DPP6: variants seen among roughly 807,000 people sequenced by gnomAD.
DPP6 encodes A-type potassium channel modulatory protein DPP6.
In DPP6, 69 loss-of-function variants were observed where a neutral mutation model predicts 122.6. The ratio of observed to expected loss-of-function variants is 0.56; its 90% CI spans 0.46 to 0.69. The LOEUF (loss-of-function observed/expected upper bound fraction) is 0.69, where lower values mean the gene tolerates loss of function less well. Ranked by LOEUF, DPP6 falls within the 30% of genes least tolerant of loss-of-function variation. The pLI is 0.00. For synonymous variants in DPP6, 418 were observed against 433.1 expected (o/e 0.97, Z 0.43); for missense variants, 928 against 1,116.9 (o/e 0.83, Z 2.41).
At chr7:154,460,732 T>C (rs1021100392) in intron 2 of DPP6, among the ~76,000 whole-genome samples, 1 of 152,342 alleles carries the variant, frequency 6.6e-6, no homozygotes, top group South Asian at 2.1e-4. Flanking sequence ...ACATAGTAGG[T>C]ATGTATATTT....
At chr7:154,796,574 G>A (rs1019609039) in intron 12 of DPP6, among the ~76,000 whole-genome samples, 2 of 152,164 alleles carry the variant, frequency 1.3e-5, no homozygotes, top group Non-Finnish European at 2.9e-5. Context: ...AAAAGCTTTG[G>A]AAGCTTCCTG....
intron 2 of DPP6, among the ~76,000 whole-genome samples, chr7:154,452,440 C>G (rs1319222894): frequency 6.6e-6 from 1 of 152,230 alleles, no homozygotes; most frequent in Non-Finnish European, 1.5e-5. Flanking sequence ...AACCGTCACA[C>G]TTCGCATATG....
At chr7:154,276,902 C>G (rs1377390555) in intron 1 of DPP6, among the ~76,000 whole-genome samples, 1 of 152,172 alleles carries the variant, frequency 6.6e-6, no homozygotes, top group Non-Finnish European at 1.5e-5. Flanking sequence ...ATAACACATG[C>G]CTGCATGAAG....
intron 10 of DPP6, among the ~76,000 whole-genome samples, chr7:154,778,029 T>G (rs1218116680): frequency 6.6e-6 from 1 of 152,222 alleles, no homozygotes; most frequent in African/African-American, 2.4e-5. Flanking sequence ...TTTTCAACTT[T>G]AGTCCCTACT....
At chr7:154,296,013 C>T (rs1480813577) in intron 1 of DPP6, among the ~76,000 whole-genome samples, 4 of 146,992 alleles carry the variant, frequency 2.7e-5, no homozygotes, top group East Asian at 2.0e-4. Context: ...GGTGCTATCT[C>T]GGCTCACTGC....
intron 1 of DPP6, among the ~76,000 whole-genome samples, chr7:154,022,485 G>A (rs2533816): frequency 4.6e-5 from 7 of 152,054 alleles, no homozygotes; most frequent in African/African-American, 7.2e-5. Context: ...AGTAGAGGCC[G>A]GGAAAAACAT....
At chr7:154,114,973 G>GC (rs1806874793) in intron 1 of DPP6, among the ~76,000 whole-genome samples, 1 of 152,188 alleles carries the variant, frequency 6.6e-6, no homozygotes, top group Non-Finnish European at 1.5e-5. Context: ...TTCATCGGCC[G>GC]CCTCATGGGC....
intron 6 of DPP6, among the ~76,000 whole-genome samples, chr7:154,643,792 G>A (rs2316231): frequency 0.32 from 49,139 of 152,024 alleles, 8,061 homozygotes; most frequent in East Asian, 0.48. Context: ...AAGGAGGGGA[G>A]GGTTGAAGGT....
rs146244553 is a variant in DPP6, at chr7:154,235,649, G to A, written c.243+182586G>A. Among the ~76,000 whole-genome samples, 902 of 150,730 alleles carry A rather than the reference G, an allele frequency of 6.0e-3. 16 individuals carry two copies. Among genetic ancestry groups the A allele is most frequent in the African/African-American group, 0.021 (845 of 40,678 alleles). ...TCACCAGTGTGCTTGGATGGATTGC[G>A]ATTTGCCCAGTTTGCTGTTCCAAAA... On this transcript the variant is annotated intron_variant, in intron 1 of 25. Coordinates refer to ENST00000377770, the MANE Select transcript of DPP6 (RefSeq NM_130797.4).
At chr7:154,847,961 T>C (rs1256085235) in intron 16 of DPP6, among the ~76,000 whole-genome samples, 1 of 152,258 alleles carries the variant, frequency 6.6e-6, no homozygotes, top group African/African-American at 2.4e-5. Flanking sequence ...CTTAGCGTAA[T>C]GTCTTCCAGA....
At chr7:154,879,419 A>G (rs1805165098) in intron 20 of DPP6, among the ~76,000 whole-genome samples, 1 of 47,012 alleles carries the variant, frequency 2.1e-5, no homozygotes, top group Non-Finnish European at 4.5e-5. Context: ...TCTCTACTAA[A>G]AAAAAAAAAA....
intron 1 of DPP6, among the ~76,000 whole-genome samples, chr7:153,911,024 T>C (rs1328478667): frequency 6.6e-6 from 1 of 152,314 alleles, no homozygotes; most frequent in East Asian, 1.9e-4. Flanking sequence ...GTGATCGTTT[T>C]AGACACGGGT....
chr7:154,301,507 A>AG (rs1469211544), intron 1 of DPP6, among the ~76,000 whole-genome samples: 8 of 152,224 alleles, frequency 5.3e-5, no homozygotes, highest in East Asian at 3.9e-4. Context: ...GCACAACTTT[A>AG]GGGGGGGTAA....
In DPP6 at chr7:154,483,838, G is replaced by A. The variant is rs1451738831; in HGVS notation, c.457+8801G>A. ...GCCTCCCTAGTAGCTGGGATTACAG[G>A]TGCACACCATCACGCCTAGCTAATT... On this transcript the variant is annotated intron_variant, in intron 3 of 25. Transcript: ENST00000377770. This position sits in a 1 kb window ranked among gnomAD's most constrained non-coding sequence, Gnocchi z 8.1. 2.0e-5 allele frequency among the ~76,000 whole-genome samples: 3 copies of A among 152,146 alleles called. No homozygotes were observed. In the East Asian group the frequency reaches 5.8e-4, roughly 29 times the overall value.
the DPP6 span, among the ~76,000 whole-genome samples, chr7:153,835,982 C>T: frequency 4.6e-5 from 7 of 152,258 alleles, no homozygotes; most frequent in East Asian, 1.9e-4. Flanking sequence ...TCACAAGACC[C>T]GTCAGCAGGA....
rs558884148 is a variant in DPP6 at position 154,788,218 on chromosome 7, C to T, written c.1137-5861C>T. Among the ~76,000 whole-genome samples the T allele has an allele frequency of 3.6e-4, 55 of 152,114 alleles. 1 individual carries two copies. In the South Asian group the frequency reaches 5.2e-3, roughly 14 times the overall value. On this transcript the variant is annotated intron_variant, in intron 10 of 25. Transcript: ENST00000377770. ...CAGCACTTTGGGAGGCTGAGGCTGG[C>T]GGATCAGTTGAAGTCAGGAGTTTGA...
intron 8 of DPP6, among the ~76,000 whole-genome samples, chr7:154,738,170 T>C (rs559450775): frequency 2.8e-4 from 43 of 152,342 alleles, no homozygotes; most frequent in African/African-American, 1.0e-3. Context: ...GAATTTACCA[T>C]GGAAAAGGCG....
intron 1 of DPP6, among the ~76,000 whole-genome samples, chr7:154,240,466 A>C (rs932582293): frequency 7.9e-5 from 12 of 152,226 alleles, no homozygotes; most frequent in African/African-American, 2.9e-4. Context: ...ATAGGAATAG[A>C]AAATGACCAC....
intron 1 of DPP6, among the ~76,000 whole-genome samples, chr7:153,918,976 C>CT (rs1306566429): frequency 4.1e-5 from 2 of 48,512 alleles, no homozygotes; most frequent in African/African-American, 1.7e-4. Context: ...AAGACTCTGT[C>CT]TCAAAAAAAA....
Sources: gnomAD v4.1 joint callset for allele counts (sites outside exome capture counted in the v4.1 genomes callset) on GRCh38, gnomAD v4.1.1 for gene constraint, Gnocchi (gnomAD v3.1) non-coding constraint, MANE v1.5 for transcripts, NCBI Gene and HGNC (gene_info 2026-07-23, HGNC 2026-07-21) for gene names.